The following PLEKHA8 variants were observed in gnomAD, a reference collection of about 807,000 sequenced individuals.
PLEKHA8 encodes pleckstrin homology domain-containing family A member 8.
Under a neutral mutation model 68.2 loss-of-function variants are expected in PLEKHA8, and 36 were observed. That is an observed-to-expected ratio of 0.53 (90% confidence interval 0.40 to 0.70). PLEKHA8 has a LOEUF of 0.70. PLEKHA8 is among the 30% of genes least tolerant of loss of function. PLEKHA8 has a pLI of 0.00. For synonymous variants in PLEKHA8, 211 were observed against 216.1 expected, an observed-to-expected ratio of 0.98 and a Z score of 0.20; for missense variants, 505 against 615.4, an observed-to-expected ratio of 0.82 and a Z score of 1.90.
chr7:30,083,828 A>G lies in PLEKHA8; in HGVS notation c.*5041A>G, dbSNP rs562578769. ...GGTCAGTATTTCCTCCCTGTACCTT[A>G]CAAACAGAAACCACCCTGGGATGGT... On this transcript the variant is annotated 3_prime_UTR_variant, in exon 14 of 14. Coordinates refer to ENST00000449726, the MANE Select transcript of PLEKHA8 (RefSeq NM_001197026.2). 1.0e-6 allele frequency: 1 copy of G among 985,358 alleles called. No homozygotes were observed. Among genetic ancestry groups the G allele is most frequent in the African/African-American group, 1.7e-5 (1 of 57,344 alleles). 61.0% of individuals were successfully genotyped at this position (985,358 alleles called of 1,614,324 possible).
At chr7:30,042,858 C>G (rs1373337020) in intron 1 of PLEKHA8, among the ~76,000 whole-genome samples, 2 of 152,166 alleles carry the variant, frequency 1.3e-5, no homozygotes, top group Non-Finnish European at 2.9e-5. Context: ...CCAATAATGT[C>G]TGACTCCTGG....
In PLEKHA8 at chr7:30,049,204, C is replaced by G; in HGVS notation, c.439-20C>G. 1 of 1,613,368 alleles carries G rather than the reference C, an allele frequency of 6.2e-7. No individual in the cohort carries two copies. Among genetic ancestry groups the G allele is most frequent in the East Asian group, 2.2e-5 (1 of 44,880 alleles). On this transcript the variant is annotated intron_variant, in intron 4 of 13. Transcript: ENST00000449726. ...TTTTTTGGCAAGGTAAAGGAGTCTTCCACTCTGGTTGTTTCGTAGGAGGGA... is the reference window on the plus strand; with the variant it reads ...TTTTTTGGCAAGGTAAAGGAGTCTTGCACTCTGGTTGTTTCGTAGGAGGGA...
chr7:30,106,215 C>T (rs558344890), intron 13 of PLEKHA8, among the ~76,000 whole-genome samples: 3 of 152,018 alleles, frequency 2.0e-5, no homozygotes, highest in South Asian at 4.1e-4. Context: ...CATGCCACCA[C>T]GGCCAGCTAA....
At chr7:30,047,616 A>G (rs1375558692) in intron 3 of PLEKHA8, among the ~76,000 whole-genome samples, 1 of 152,132 alleles carries the variant, frequency 6.6e-6, no homozygotes, top group Non-Finnish European at 1.5e-5. Flanking sequence ...TAAATAATGT[A>G]TACTACTTTG....
intron 13 of PLEKHA8, among the ~76,000 whole-genome samples, chr7:30,121,627 T>TA (rs35012989): frequency 0.14 from 21,525 of 148,474 alleles, 1,529 homozygotes; most frequent in Middle Eastern, 0.2. Context: ...AGACCCTGTC[T>TA]AAAAAAAAAA....
Position 30,029,553 on chromosome 7 carries a change from T to C in PLEKHA8, c.40+751T>C, listed in dbSNP as rs557994794. Among the ~76,000 whole-genome samples the C allele has an allele frequency of 7.9e-5, 12 of 152,360 alleles. No individual in the cohort carries two copies. In the East Asian group the frequency reaches 2.1e-3, roughly 27 times the overall value. On this transcript the variant is annotated intron_variant, in intron 1 of 13. Transcript: ENST00000449726. The stretch of plus-strand genomic sequence containing the variant: ...AACTGTTCTACAGCTGTGAAAATTA[T>C]TCAGAACGATCATTTTTGTCATGTG...
At chr7:30,119,893 T>C (rs972630711) in intron 13 of PLEKHA8, among the ~76,000 whole-genome samples, 1 of 152,192 alleles carries the variant, frequency 6.6e-6, no homozygotes, top group African/African-American at 2.4e-5. Context: ...ACACTAAATA[T>C]AACTCTTTCT....
At chr7:30,100,029 C>T (rs772376134) in intron 13 of PLEKHA8, among the ~76,000 whole-genome samples, 3 of 152,110 alleles carry the variant, frequency 2.0e-5, no homozygotes, top group Admixed American at 6.5e-5. Context: ...CGGTGGTTGT[C>T]GGCAATCCTA....
At chr7:30,126,787 A>G (rs748107007) in intron 13 of PLEKHA8, among the ~76,000 whole-genome samples, 3 of 152,214 alleles carry the variant, frequency 2.0e-5, no homozygotes, top group Non-Finnish European at 4.4e-5. Context: ...ACTCCTCTTT[A>G]TAAAACTGTC....
At chr7:30,064,911 G>C (rs1257826017) in intron 12 of PLEKHA8, among the ~76,000 whole-genome samples, 1 of 152,138 alleles carries the variant, frequency 6.6e-6, no homozygotes, top group African/African-American at 2.4e-5. Flanking sequence ...GGACAATGCT[G>C]ATCCCATTTA....
chr7:30,099,745 G>C (rs938033254), intron 13 of PLEKHA8, among the ~76,000 whole-genome samples: 1 of 152,208 alleles, frequency 6.6e-6, no homozygotes, highest in African/African-American at 2.4e-5. Flanking sequence ...GAAATGGAGA[G>C]TGGCAGCAGG....
rs1426559848 is a variant in PLEKHA8, at chr7:30,084,624, AGTTAT to A, written c.*5838_*5842del. 1 of 931,604 alleles carries A rather than the reference AGTTAT, an allele frequency of 1.1e-6. No individual in the cohort carries two copies. Among genetic ancestry groups the A allele is most frequent in the Admixed American group, 6.2e-5 (1 of 16,168 alleles). The allele number at this position is 931,604 out of a possible 1,614,324, so 57.7% of individuals were successfully genotyped here. On this transcript the variant is annotated 3_prime_UTR_variant, in exon 14 of 14. Transcript: ENST00000449726. ...ATATCTGTCAGATTTTATATTCGTT[AGTTAT>A]AATAAACTTATTTTTAAAGTATTAA...
At chr7:30,069,084 G>T (rs1794060688) in intron 12 of PLEKHA8, among the ~76,000 whole-genome samples, 1 of 152,114 alleles carries the variant, frequency 6.6e-6, no homozygotes, top group Admixed American at 6.5e-5. Flanking sequence ...GCTTTAAAAA[G>T]ACATGAGTTA....
chr7:30,104,770 T>C (rs1328067155), intron 13 of PLEKHA8, among the ~76,000 whole-genome samples: 1 of 145,192 alleles, frequency 6.9e-6, no homozygotes, highest in East Asian at 2.0e-4. Context: ...TTGCCCAGGC[T>C]GGAGTGCAGT....
intron 12 of PLEKHA8, among the ~76,000 whole-genome samples, chr7:30,073,646 G>T (rs1159041747): frequency 2.7e-5 from 4 of 146,152 alleles, no homozygotes; most frequent in African/African-American, 1.0e-4. Context: ...CTTGTAATTA[G>T]ATTTTTTTCA....
At chr7:30,036,407 AATAGATAG>A (rs55904639) in intron 1 of PLEKHA8, among the ~76,000 whole-genome samples, 33,492 of 143,136 alleles carry the variant, frequency 0.23, 4,008 homozygotes, top group East Asian at 0.31. Flanking sequence ...GATAGGATAG[AATAGATAG>A]ATAGATAGAT....
At chr7:30,101,143 T>C (rs1795836982) in intron 13 of PLEKHA8, among the ~76,000 whole-genome samples, 1 of 149,208 alleles carries the variant, frequency 6.7e-6, no homozygotes, top group African/African-American at 2.5e-5. Flanking sequence ...TGAGCCGAGA[T>C]TGCACTCCAG....
intron 1 of PLEKHA8, among the ~76,000 whole-genome samples, 162 bp downstream of exon 1, chr7:30,028,964 G>A (rs900842844): frequency 6.6e-6 from 1 of 152,220 alleles, no homozygotes; most frequent in African/African-American, 2.4e-5. Flanking sequence ...ACGGGACCGT[G>A]TCGCCGTGCA....
At chr7:30,119,786 C>T (rs1796665434) in intron 13 of PLEKHA8, among the ~76,000 whole-genome samples, 1 of 152,214 alleles carries the variant, frequency 6.6e-6, no homozygotes, top group Non-Finnish European at 1.5e-5. Flanking sequence ...CTAAAGCTTC[C>T]ACCCTGCTTC....
Sources: gnomAD v4.1 joint callset for allele counts (sites outside exome capture counted in the v4.1 genomes callset) on GRCh38, gnomAD v4.1.1 for gene constraint, MANE v1.5 for transcripts, NCBI Gene and HGNC (gene_info 2026-07-23, HGNC 2026-07-21) for gene names.